The following DHX32 variants were observed in gnomAD, a reference collection of about 807,000 sequenced individuals.
DHX32 encodes the protein putative pre-mRNA-splicing factor ATP-dependent RNA helicase DHX32.
A neutral mutation model predicts 70.0 loss-of-function variants in DHX32; 51 were observed. The ratio of observed to expected loss-of-function variants is 0.73; its 90% CI spans 0.58 to 0.92. DHX32 has a LOEUF of 0.92. DHX32 is among the 40% of genes least tolerant of loss of function. DHX32 has a pLI of 0.00. For missense variants in DHX32, 762 were observed against 891.8 expected (o/e 0.85, Z 1.85); for synonymous variants, 310 against 315.3 (o/e 0.98, Z 0.18).
intron 1 of DHX32, among the ~76,000 whole-genome samples, chr10:125,870,624 G>T (rs73381271): frequency 0.022 from 3,397 of 152,156 alleles, 123 homozygotes; most frequent in African/African-American, 0.077. Context: ...TATTTGAGAG[G>T]TCAGGAGTTT....
chr10:125,870,726 A>T (rs1304495076), intron 1 of DHX32, among the ~76,000 whole-genome samples: 4 of 151,904 alleles, frequency 2.6e-5, no homozygotes, highest in Non-Finnish European at 5.9e-5. Context: ...AATCCCAGCT[A>T]CTCGGGAGGC....
chr10:125,838,155 C>T, intron 10 of DHX32, 51 bp downstream of exon 10: 1 of 1,492,946 alleles, frequency 6.7e-7, no homozygotes, highest in Non-Finnish European at 8.9e-7. Flanking sequence ...TTTACTCCTA[C>T]AGGTATGAAT....
chr10:125,841,636 C>G, intron 7 of DHX32, 107 bp downstream of exon 7: 1 of 1,493,186 alleles, frequency 6.7e-7, no homozygotes. Flanking sequence ...GAGTTGATCA[C>G]TATCTCTGCT....
intron 1 of DHX32, among the ~76,000 whole-genome samples, chr10:125,893,357 G>C (rs1333544995): frequency 6.6e-6 from 1 of 152,012 alleles, no homozygotes; most frequent in African/African-American, 2.4e-5. Flanking sequence ...CATTCTCCTG[G>C]CTCAGCCTCC....
In DHX32 at chr10:125,841,897, A is replaced by C. The variant is rs1253713762; in HGVS notation, c.1389T>G (p.Asp463Glu). Residue 463 changes from aspartate to glutamate, a missense_variant, in exon 7 of 11, where the codon GAT (aspartate) becomes GAG (glutamate). Physicochemically the swap from Asp to Glu is conservative, Grantham distance 45. Around this residue, in one of 3 missense-constraint regions of DHX32, gnomAD observed 366 missense variants for 402.6 expected, o/e 0.91. Transcript: ENST00000284690. ...CATCATTATCCAGTGCTGCCAGATA[A>C]TCTAAGTCTTCCAATGCCTGCATCA... ...ESLMQALEDL[D>E]YLAALDNDGN... 3.1e-6 allele frequency: 5 copies of C among 1,606,504 alleles called. No individual in the cohort carries two copies. The highest frequency in any genetic ancestry group is 4.2e-6 in the Non-Finnish European group (5 of 1,178,256).
chr10:125,879,022 T>TG (rs1454518786), intron 1 of DHX32, among the ~76,000 whole-genome samples: 1 of 135,392 alleles, frequency 7.4e-6, no homozygotes, highest in Non-Finnish European at 1.6e-5. Context: ...CTTGTTTTTT[T>TG]TTTTTTTTTT....
At chr10:125,893,719 T>C (rs1177788448) in intron 1 of DHX32, among the ~76,000 whole-genome samples, 3 of 152,216 alleles carry the variant, frequency 2.0e-5, no homozygotes, top group South Asian at 2.1e-4. Context: ...AAGTATCAGA[T>C]AGAGAAAAAA....
Position 125,840,847 on chromosome 10 carries a change from ACT to A in DHX32, c.1691_1692del (p.Glu564ValfsTer9). The A allele has an allele frequency of 6.3e-7, 1 of 1,584,408 alleles. No individual in the cohort carries two copies. The highest frequency in any genetic ancestry group is 8.6e-7 in the Non-Finnish European group (1 of 1,160,386). ...YQDTTLNSSS[E>X]YCVEKWCRDY... ...AGGTAGTTTCTGAGCATTCACTTAC[ACT>A]CACTGCTAGAATTCAGAGTTGTGTC... On this transcript the variant is annotated frameshift_variant and splice_region_variant, in exon 8 of 11. Transcript: ENST00000284690. LOFTEE classifies it high-confidence loss of function.
chr10:125,872,266 T>C (rs1276831445), intron 1 of DHX32, among the ~76,000 whole-genome samples: 2 of 152,220 alleles, frequency 1.3e-5, no homozygotes, highest in Non-Finnish European at 2.9e-5. Flanking sequence ...TTCTACCCCA[T>C]AGTTCCTCTT....
rs1415238262 is a variant in DHX32, at chr10:125,836,474, C to T, written c.*213G>A. 7.2e-7 allele frequency: 1 copy of T among 1,391,192 alleles called. No homozygotes were observed. Among genetic ancestry groups the T allele is most frequent in the African/African-American group, 1.5e-5 (1 of 68,744 alleles). 86.2% of individuals were successfully genotyped at this position (1,391,192 alleles called of 1,614,324 possible). ...AAATTATGAGTGGTTGATTTAAAAACTTTTCCAAGAAGAAGAAAAGCATGG... is the reference window on the plus strand; with the variant it reads ...AAATTATGAGTGGTTGATTTAAAAATTTTTCCAAGAAGAAGAAAAGCATGG... On this transcript the variant is annotated 3_prime_UTR_variant, in exon 11 of 11. Transcript: ENST00000284690.
chr10:125,870,091 G>C (rs1339478498), intron 1 of DHX32, among the ~76,000 whole-genome samples: 1 of 152,112 alleles, frequency 6.6e-6, no homozygotes, highest in Non-Finnish European at 1.5e-5. Context: ...TAAAATAAAT[G>C]AATGAAGCTA....
At chr10:125,841,238 T>C in intron 7 of DHX32, 1 of 1,611,324 alleles carries the variant, frequency 6.2e-7, no homozygotes, top group Non-Finnish European at 8.5e-7. Flanking sequence ...GTTAATATCC[T>C]GCTTCTATTC....
intron 9 of DHX32, among the ~76,000 whole-genome samples, chr10:125,838,615 A>G (rs1359796062): frequency 5.3e-5 from 8 of 152,202 alleles, no homozygotes; most frequent in Admixed American, 5.2e-4. Context: ...GGGCACTGCT[A>G]AAACAGTGCA....
At chr10:125,885,510 G>A (rs1944336641), upstream of DHX32, among the ~76,000 whole-genome samples, 1 of 152,118 alleles carries the variant, frequency 6.6e-6, no homozygotes, top group African/African-American at 2.4e-5. Flanking sequence ...TGTGGGCTTT[G>A]AAGGTGGAGG....
chr10:125,855,212 CT>C (rs1564827063), intron 3 of DHX32, among the ~76,000 whole-genome samples: 2 of 147,618 alleles, frequency 1.4e-5, no homozygotes, highest in African/African-American at 5.0e-5. Flanking sequence ...CAGAGTGAGA[CT>C]CCGTCTCAAA....
chr10:125,850,097 C>G (rs1041352922), intron 6 of DHX32, among the ~76,000 whole-genome samples: 1 of 149,716 alleles, frequency 6.7e-6, no homozygotes, highest in Non-Finnish European at 1.5e-5. Flanking sequence ...TCCCAAACAG[C>G]TAGTACTACA....
chr10:125,873,648 T>G (rs918717977), intron 1 of DHX32, among the ~76,000 whole-genome samples: 1 of 152,230 alleles, frequency 6.6e-6, no homozygotes, highest in Non-Finnish European at 1.5e-5. Flanking sequence ...TTTGCAAGTC[T>G]TAATGGTTTC....
At chr10:125,894,859 T>C (rs1944422240) in intron 1 of DHX32, among the ~76,000 whole-genome samples, 1 of 152,306 alleles carries the variant, frequency 6.6e-6, no homozygotes, top group South Asian at 2.1e-4. Context: ...TTGCTAATGA[T>C]ATGTAAACTA....
chr10:125,855,232 A>G (rs1944136340), intron 3 of DHX32, among the ~76,000 whole-genome samples: 1 of 151,652 alleles, frequency 6.6e-6, no homozygotes, highest in Non-Finnish European at 1.5e-5. Context: ...AAAAAAAAAA[A>G]AAAAGAAATT....
Sources: allele counts gnomAD v4.1 joint callset (sites outside exome capture counted in the v4.1 genomes callset), GRCh38; gene constraint gnomAD v4.1.1; regional missense constraint gnomAD v4.1.1; transcripts MANE v1.5; gene names NCBI Gene and HGNC (gene_info 2026-07-23, HGNC 2026-07-21).